Variants in DHRS7B observed in about 807,000 individuals in gnomAD.
DHRS7B encodes the protein peroxisomal reductase activating PPAR-gamma.
A neutral mutation model predicts 26.4 loss-of-function variants in DHRS7B; 24 were observed. The ratio of observed to expected loss-of-function variants is 0.91; its 90% CI spans 0.66 to 1.28. DHRS7B has a LOEUF of 1.28. DHRS7B is among the 50% of genes most tolerant of loss of function. The pLI, the probability that DHRS7B is intolerant of heterozygous loss-of-function variation, is 0.00. For missense variants in DHRS7B, 368 were observed against 419.4 expected (o/e 0.88, Z 1.07); for synonymous variants, 142 against 166.4 (o/e 0.85, Z 1.13).
intron 1 of DHRS7B, among the ~76,000 whole-genome samples, chr17:21,148,515 G>A (rs975952628): frequency 6.6e-6 from 1 of 152,140 alleles, no homozygotes; most frequent in Non-Finnish European, 1.5e-5. Context: ...GGGAGGCTGA[G>A]GATGGATCAC....
intron 6 of DHRS7B, among the ~76,000 whole-genome samples, chr17:21,189,339 T>C (rs1974724947): frequency 6.6e-6 from 1 of 152,194 alleles, no homozygotes. Context: ...AGCACCTTCA[T>C]CTTGTCTCAT....
Position 21,164,030 on chromosome 17 carries a change from C to CTTTTTTTTTTTTTTTTTTTTTTTTT in DHRS7B, c.21-7972_21-7971insTTTTTTTTTTTTTTTTTTTTTTTTT, listed in dbSNP as rs35189205. Among the ~76,000 whole-genome samples, 51 of 96,942 alleles carry CTTTTTTTTTTTTTTTTTTTTTTTTT rather than the reference C, an allele frequency of 5.3e-4. 13 individuals carry two copies. The highest frequency in any genetic ancestry group is 2.1e-3 in the African/African-American group (42 of 19,752). 63.6% of individuals were successfully genotyped at this position (96,942 alleles called of 152,430 possible). A position where few individuals can be genotyped will look rare whatever the true frequency, so the allele number is the denominator to read the frequency against. On this transcript the variant is annotated intron_variant, in intron 1 of 6. Coordinates refer to ENST00000395511, the MANE Select transcript of DHRS7B (RefSeq NM_015510.5). ...AGTGCAGATATTGTCAATTGTTGTGCTTTTTTTTTTTTTTTTGAGACAGGG... is the reference window on the plus strand; with the variant it reads ...AGTGCAGATATTGTCAATTGTTGTGCTTTTTTTTTTTTTTTTTTTTTTTTTTTTTTTTTTTTTTTTTGAGACAGGG...
chr17:21,190,596 G>C (rs918940511), intron 6 of DHRS7B, among the ~76,000 whole-genome samples: 12 of 152,322 alleles, frequency 7.9e-5, no homozygotes, highest in African/African-American at 2.6e-4. Context: ...GTGTGAGGGG[G>C]TCACTCTGAA....
At position 21,172,114 on chromosome 17, in the gene DHRS7B, G is replaced by C. The variant is rs1035426332; in HGVS notation, c.117G>C (p.Arg39=). ...GCCTGGGCGTCTTCGGCCTCTTCCGGCTGCTGCAGTGGGTGCGCGGGAAGG... is the reference window on the plus strand; with the variant it reads ...GCCTGGGCGTCTTCGGCCTCTTCCGCCTGCTGCAGTGGGTGCGCGGGAAGG... ...FGCLGVFGLF[R]LLQWVRGKAY... Residue 39 remains arginine (R), a synonymous_variant, in exon 2 of 7, where the codon CGG becomes CGC. Transcript: ENST00000395511. 9.3e-6 allele frequency: 15 copies of C among 1,614,066 alleles called. No individual in the cohort carries two copies. The highest frequency in any genetic ancestry group is 3.3e-4 in the Middle Eastern group (2 of 6,082).
intron 1 of DHRS7B, chr17:21,168,660 C>T (rs905103552): frequency 3.8e-5 from 36 of 950,918 alleles, no homozygotes; most frequent in African/African-American, 5.3e-5. Flanking sequence ...CGAGGCACTG[C>T]GTTTGGCCTT....
chr17:21,170,056 T>C (rs953968325), intron 1 of DHRS7B, among the ~76,000 whole-genome samples: 5 of 152,138 alleles, frequency 3.3e-5, no homozygotes, highest in African/African-American at 1.2e-4. Context: ...CTCAACCAGC[T>C]TATTACATGC....
At position 21,178,258 on chromosome 17, in the gene DHRS7B, G is replaced by A. The variant is rs199845654; in HGVS notation, c.225G>A (p.Ala75=). The change falls in exon 3 of 7, where the codon GCG becomes GCA. Residue 75 remains alanine, a synonymous_variant. Transcript: ENST00000395511. ...AATGTGCAAAAGTCTTCTATGCTGCGGGTGCTAAACTGGTGCTCTGTGGCC... is the reference window on the plus strand; with the variant it reads ...AATGTGCAAAAGTCTTCTATGCTGCAGGTGCTAAACTGGTGCTCTGTGGCC... ...GKECAKVFYA[A]GAKLVLCGRN... is the part of the protein sequence containing the mutation. 7.4e-6 allele frequency: 12 copies of A among 1,614,132 alleles called. No individual in the cohort carries two copies. Among genetic ancestry groups the A allele is most frequent in the East Asian group, 4.5e-5 (2 of 44,900 alleles).
rs746111711 is a variant in DHRS7B, at chr17:21,178,264, T to TA, written c.234dup (p.Leu79ThrfsTer50). ...CAAAAGTCTTCTATGCTGCGGGTGC[T>TA]AAACTGGTGCTCTGTGGCCGGAATG... On this transcript the variant is annotated frameshift_variant, in exon 3 of 7. Transcript: ENST00000395511. LOFTEE classifies it high-confidence loss of function. The TA allele has an allele frequency of 1.9e-6, 3 of 1,614,240 alleles. No individual in the cohort carries two copies. The Admixed American group carries it at 5.0e-5, about 27-fold the overall frequency.
chr17:21,145,282 C>T (rs906909041), intron 1 of DHRS7B, among the ~76,000 whole-genome samples: 7 of 151,934 alleles, frequency 4.6e-5, no homozygotes, highest in African/African-American at 1.7e-4. Context: ...CGGGATCGCG[C>T]CACTGCATTC....
chr17:21,137,525 T>C (rs1429098645), intron 1 of DHRS7B, among the ~76,000 whole-genome samples: 1 of 151,784 alleles, frequency 6.6e-6, no homozygotes, highest in African/African-American at 2.4e-5. Flanking sequence ...TGGCATAATA[T>C]TGGCTCACTG....
At chr17:21,165,916 C>CA (rs11346854) in intron 1 of DHRS7B, among the ~76,000 whole-genome samples, 50,224 of 119,254 alleles carry the variant, frequency 0.42, 10,266 homozygotes, top group Non-Finnish European at 0.47. Flanking sequence ...ACTCCGTCTC[C>CA]AAAAAAAAAA....
intron 1 of DHRS7B, among the ~76,000 whole-genome samples, chr17:21,137,325 C>T (rs1361615359): frequency 7.4e-6 from 1 of 134,454 alleles, no homozygotes; most frequent in Admixed American, 8.1e-5. Context: ...GAGACAGAGT[C>T]TTGCTCTGTC....
At chr17:21,149,418 C>G (rs948863980) in intron 1 of DHRS7B, among the ~76,000 whole-genome samples, 1 of 152,150 alleles carries the variant, frequency 6.6e-6, no homozygotes, top group African/African-American at 2.4e-5. Flanking sequence ...ATTTGAATGT[C>G]TAAAACCCAC....
intron 5 of DHRS7B, among the ~76,000 whole-genome samples, chr17:21,188,183 G>A (rs1288652897): frequency 6.6e-6 from 1 of 152,120 alleles, no homozygotes; most frequent in Non-Finnish European, 1.5e-5. Context: ...CAGACTTAAA[G>A]TTGCAGGAAC....
At chr17:21,129,976 G>A (rs4985830) in intron 1 of DHRS7B, among the ~76,000 whole-genome samples, 1 of 152,012 alleles carries the variant, frequency 6.6e-6, no homozygotes, top group Non-Finnish European at 1.5e-5. Flanking sequence ...GTGCTACCTA[G>A]TTACTTTTTT....
Position 21,172,319 on chromosome 17 carries a change from G to A in DHRS7B, c.199+123G>A, listed in dbSNP as rs538923311. 4.9e-6 allele frequency: 6 copies of A among 1,221,672 alleles called. No homozygotes were observed. The African/African-American group carries it at 6.0e-5, about 12-fold the overall frequency. 75.7% of individuals were successfully genotyped at this position (1,221,672 alleles called of 1,614,324 possible). ...AGCGGCAGCAGAAGGCCAGATAAGG[G>A]AAGTGGGCCGGATGGCACTGTCCTT... On this transcript the variant is annotated intron_variant, in intron 2 of 6. Coordinates refer to ENST00000395511, the MANE Select transcript of DHRS7B (RefSeq NM_015510.5).
At chr17:21,156,049 G>A (rs1973871852) in intron 1 of DHRS7B, among the ~76,000 whole-genome samples, 2 of 151,918 alleles carry the variant, frequency 1.3e-5, no homozygotes, top group South Asian at 4.1e-4. Flanking sequence ...TATACTTTAG[G>A]CAACTAGAAA....
intron 1 of DHRS7B, among the ~76,000 whole-genome samples, chr17:21,139,209 T>G (rs564257082): frequency 1.3e-5 from 2 of 152,328 alleles, no homozygotes; most frequent in African/African-American, 4.8e-5. Context: ...AGGTTAGAAG[T>G]TATGGTAATT....
intron 1 of DHRS7B, among the ~76,000 whole-genome samples, chr17:21,136,505 C>T (rs544814467): frequency 5.9e-4 from 89 of 151,674 alleles, no homozygotes; most frequent in African/African-American, 1.5e-3. Context: ...AATGAAACTC[C>T]GTCTCAAAAG....
Sources: gnomAD v4.1 joint callset for allele counts (sites outside exome capture counted in the v4.1 genomes callset) on GRCh38, gnomAD v4.1.1 for gene constraint, MANE v1.5 for transcripts, NCBI Gene and HGNC (gene_info 2026-07-23, HGNC 2026-07-21) for gene names.